Variants in SKP1 observed in about 807,000 individuals in gnomAD.
SKP1 encodes the protein S-phase kinase-associated protein 1.
In SKP1, 1 loss-of-function variant was observed where a neutral mutation model predicts 21.5. The observed-to-expected ratio is 0.05, with a 90% CI of 0.02 to 0.22. The LOEUF (loss-of-function observed/expected upper bound fraction) is 0.22. SKP1 is among the 10% of genes least tolerant of loss of function. SKP1 has a pLI of 1.00. For synonymous variants in SKP1, 59 were observed against 59.3 expected (o/e 0.99, Z 0.03); for missense variants, 70 against 192.0 (o/e 0.36, Z 3.76).
At position 134,176,932 on chromosome 5, in the gene SKP1, A is replaced by G. The variant is rs1220790623; in HGVS notation, c.-78T>C. On this transcript the variant is annotated 5_prime_UTR_variant, in exon 1 of 6. Coordinates refer to ENST00000353411, the MANE Select transcript of SKP1 (RefSeq NM_170679.3). ...CGTTAGCGAAGGAAGAGAAAAACCG[A>G]AGACGAAGCCACTACAGCGTCGCAG... is the stretch of plus-strand genomic sequence containing the variant. 1 of 152,540 alleles carries G rather than the reference A, an allele frequency of 6.6e-6. No homozygotes were observed. The allele number at this position is 152,540 out of a possible 1,614,324, so 9.4% of individuals were successfully genotyped here. A position where few individuals can be genotyped will look rare whatever the true frequency, so the allele number is the denominator to read the frequency against.
At chr5:134,161,219 A>G (rs554157506) in intron 3 of SKP1, 89 bp from the exon 4 acceptor site, 9 of 1,170,910 alleles carry the variant, frequency 7.7e-6, no homozygotes, top group South Asian at 3.5e-5. Context: ...TATTGGAATA[A>G]TAACTAGCTA....
Position 134,150,103 on chromosome 5 carries a change from CCTCCCCTGGTACAGCTG to C in SKP1, c.*7613_*7629del, listed in dbSNP as rs550234367. The C allele has an allele frequency of 4.5e-4, 69 of 152,310 alleles. No homozygotes were observed. Among genetic ancestry groups the C allele is most frequent in the African/African-American group, 1.7e-3 (69 of 41,522 alleles). 9.4% of individuals were successfully genotyped at this position (152,310 alleles called of 1,614,324 possible). A position where few individuals can be genotyped will look rare whatever the true frequency, so the allele number is the denominator to read the frequency against. ...GCAACTTGGGTGAAAGACGTTCATCCCTCCCCTGGTACAGCTGCTCCCCATTTTGTTCTCTGTGGATA... is the reference window on the plus strand; with the variant it reads ...GCAACTTGGGTGAAAGACGTTCATCCCTCCCCATTTTGTTCTCTGTGGATA... On this transcript the variant is annotated 3_prime_UTR_variant, in exon 6 of 6. Coordinates refer to ENST00000353411, the MANE Select transcript of SKP1 (RefSeq NM_170679.3).
In SKP1 at chr5:134,150,323, C is replaced by T. The variant is rs1039331662; in HGVS notation, c.*7410G>A. ...CCTAACAGCTAGCTCAGAAGCACTG[C>T]ACCCTAGCTTTGTTCAGTATACATA... On this transcript the variant is annotated 3_prime_UTR_variant, in exon 6 of 6. Coordinates refer to ENST00000353411, the MANE Select transcript of SKP1 (RefSeq NM_170679.3). 2.0e-5 allele frequency: 3 copies of T among 152,228 alleles called. No homozygotes were observed. Among genetic ancestry groups the T allele is most frequent in the African/African-American group, 7.2e-5 (3 of 41,438 alleles). 9.4% of individuals were successfully genotyped at this position (152,228 alleles called of 1,614,324 possible).
At chr5:134,158,768 CTTT>C (rs1001748071) in intron 4 of SKP1, 173 bp from the exon 5 acceptor site, 36 of 632,678 alleles carry the variant, frequency 5.7e-5, no homozygotes, top group Admixed American at 1.1e-4. Flanking sequence ...ATGTGACCTT[CTTT>C]GTTATACCTC....
intron 1 of SKP1, among the ~76,000 whole-genome samples, chr5:134,175,816 ATATT>A (rs1761530124): frequency 6.6e-6 from 1 of 152,236 alleles, no homozygotes; most frequent in Admixed American, 6.5e-5. Context: ...AATGGATGAA[ATATT>A]TATTTGAAAT....
At chr5:134,176,270 G>A (rs980477827) in intron 1 of SKP1, among the ~76,000 whole-genome samples, 8 of 152,212 alleles carry the variant, frequency 5.3e-5, no homozygotes, top group Non-Finnish European at 1.0e-4. Flanking sequence ...AGGCGGCTAT[G>A]TGCAGAAAGC....
intron 4 of SKP1, among the ~76,000 whole-genome samples, chr5:134,159,676 T>A (rs2149373340): frequency 2.0e-5 from 3 of 152,030 alleles, no homozygotes; most frequent in East Asian, 3.9e-4. Context: ...GCCTCCCGAG[T>A]AGCTGAGACT....
intron 3 of SKP1, among the ~76,000 whole-genome samples, chr5:134,164,322 G>GAAAAA (rs55637997): frequency 8.2e-6 from 1 of 122,128 alleles, no homozygotes; most frequent in African/African-American, 3.2e-5. Flanking sequence ...TCCATCTCAA[G>GAAAAA]AAAAAAAAAA....
intron 4 of SKP1, 87 bp downstream of exon 4, chr5:134,160,900 T>G: frequency 3.5e-6 from 3 of 848,498 alleles, no homozygotes; most frequent in Non-Finnish European, 5.5e-6. Context: ...GTATTAAAAT[T>G]CAGTGTCAAT....
intron 3 of SKP1, 184 bp from the exon 4 acceptor site, chr5:134,161,314 T>A: frequency 2.0e-6 from 1 of 499,870 alleles, no homozygotes; most frequent in Non-Finnish European, 3.5e-6. Context: ...AGGGAGAAGA[T>A]CTTATTAGAT....
chr5:134,158,036 ATTAT>A, intron 5 of SKP1: 1 of 1,474,758 alleles, frequency 6.8e-7, no homozygotes, highest in East Asian at 2.8e-5. Flanking sequence ...ATTCATTCAC[ATTAT>A]TTCAGTCTGT....
chr5:134,175,900 G>A (rs1030743756), intron 1 of SKP1, among the ~76,000 whole-genome samples: 3 of 151,354 alleles, frequency 2.0e-5, no homozygotes, highest in Non-Finnish European at 4.4e-5. Context: ...ATTCTCCATG[G>A]CCAGCATAAA....
chr5:134,159,496 T>G (rs953826901), intron 4 of SKP1, among the ~76,000 whole-genome samples: 2 of 152,068 alleles, frequency 1.3e-5, no homozygotes, highest in African/African-American at 4.8e-5. Context: ...TTCTCTTGCT[T>G]CAGTCTCCCA....
chr5:134,158,260 C>T (rs1462066820), intron 5 of SKP1, 195 bp downstream of exon 5: 2 of 1,464,258 alleles, frequency 1.4e-6, no homozygotes, highest in Non-Finnish European at 9.0e-7. Flanking sequence ...TGTTCTTATG[C>T]TTAAAATGCA....
chr5:134,157,719 T>C lies in SKP1; in HGVS notation c.*14A>G. On this transcript the variant is annotated 3_prime_UTR_variant, in exon 6 of 6. Coordinates refer to ENST00000353411, the MANE Select transcript of SKP1 (RefSeq NM_170679.3). Reference sequence around the variant, plus strand: ...GAACAATCCTTACAGTGTTACAGTGTCAGGCACAACATTTCACTTCTCTTC... The same window carrying C: ...GAACAATCCTTACAGTGTTACAGTGCCAGGCACAACATTTCACTTCTCTTC... The C allele has an allele frequency of 2.5e-6, 4 of 1,603,584 alleles. No individual in the cohort carries two copies. Among genetic ancestry groups the C allele is most frequent in the Non-Finnish European group, 3.4e-6 (4 of 1,170,670 alleles).
At chr5:134,176,764 G>A in intron 1 of SKP1, 91 bp downstream of exon 1, 1 of 152,560 alleles carries the variant, frequency 6.6e-6, no homozygotes, top group Non-Finnish European at 1.5e-5. Context: ...GTCACCGCCC[G>A]CCGCGGGCAG....
intron 2 of SKP1, among the ~76,000 whole-genome samples, chr5:134,167,758 T>G (rs547734159): frequency 6.6e-6 from 1 of 151,992 alleles, no homozygotes; most frequent in African/African-American, 2.4e-5. Flanking sequence ...TCTCCTGACC[T>G]CGTGATCTAC....
rs1332482433 is a variant in SKP1, at chr5:134,160,897, A to T, written c.315+90T>A. The T allele has an allele frequency of 1.1e-5, 9 of 833,212 alleles. No homozygotes were observed. In the Admixed American group the frequency reaches 1.3e-4, roughly 12 times the overall value. 51.6% of individuals were successfully genotyped at this position (833,212 alleles called of 1,614,324 possible). ...TACATTTGAATTTAGAGAGTATTAAAATTCAGTGTCAATGAAGTTAGCAAA... is the reference window on the plus strand; with the variant it reads ...TACATTTGAATTTAGAGAGTATTAATATTCAGTGTCAATGAAGTTAGCAAA... On this transcript the variant is annotated intron_variant, in intron 4 of 5. Coordinates refer to ENST00000353411, the MANE Select transcript of SKP1 (RefSeq NM_170679.3).
At chr5:134,174,075 C>T (rs1761493963) in intron 1 of SKP1, 53 bp from the exon 2 acceptor site, 7 of 1,113,152 alleles carry the variant, frequency 6.3e-6, no homozygotes, top group South Asian at 2.5e-5. Flanking sequence ...TTCTACATGA[C>T]ATTTCATCAA....
Sources: allele counts gnomAD v4.1 joint callset (sites outside exome capture counted in the v4.1 genomes callset), GRCh38; gene constraint gnomAD v4.1.1; transcripts MANE v1.5; gene names NCBI Gene and HGNC (gene_info 2026-07-23, HGNC 2026-07-21).